FARS2: variants seen among roughly 807,000 people sequenced by gnomAD.
FARS2 encodes the protein phenylalanyl-tRNA synthetase 2, mitochondrial.
Under a neutral mutation model 46.4 loss-of-function variants are expected in FARS2, and 40 were observed. That is an observed-to-expected ratio of 0.86 (90% CI 0.67 to 1.12). The LOEUF (loss-of-function observed/expected upper bound fraction) is 1.12. Among genes scored for constraint, FARS2 ranks in the 50% most tolerant of loss-of-function variants. The probability of loss-of-function intolerance (pLI) is 0.00; values close to 1 mark genes in which losing one functional copy is unlikely to be tolerated. For missense variants in FARS2, 513 were observed against 567.9 expected (o/e 0.90, Z 0.98); for synonymous variants, 234 against 214.9 (o/e 1.09, Z -0.78).
At chr6:5,549,338 C>G (rs138146757) in intron 5 of FARS2, among the ~76,000 whole-genome samples, 3 of 152,184 alleles carry the variant, frequency 2.0e-5, no homozygotes, top group Admixed American at 6.5e-5. Flanking sequence ...CTCTTCCCCC[C>G]ACTCCACGAC....
intron 6 of FARS2, among the ~76,000 whole-genome samples, chr6:5,717,456 T>G (rs1314453732): frequency 6.6e-6 from 1 of 151,922 alleles, no homozygotes; most frequent in Non-Finnish European, 1.5e-5. Flanking sequence ...ACTGGGTTGT[T>G]GGCCCTGTGC....
In FARS2 at chr6:5,319,820, G is replaced by A. The variant is rs528833854; in HGVS notation, c.-21-48730G>A. Among the ~76,000 whole-genome samples, 7 of 152,294 alleles carry A rather than the reference G, an allele frequency of 4.6e-5. No homozygotes were observed. The South Asian group carries it at 1.5e-3, about 32-fold the overall frequency. ...AGCTTAAAGGGAGACAAGAAGGTAG[G>A]GGTGGGAAATTCCTAAGCAGGAAAG... On this transcript the variant is annotated intron_variant, in intron 1 of 6. Transcript: ENST00000274680.
chr6:5,662,630 C>G (rs761188234), intron 6 of FARS2, among the ~76,000 whole-genome samples: 4 of 152,192 alleles, frequency 2.6e-5, no homozygotes, highest in Admixed American at 6.5e-5. Context: ...AAGAGATGAA[C>G]TTCTACTTTC....
chr6:5,569,380 G>C (rs911594613), intron 5 of FARS2, among the ~76,000 whole-genome samples: 4 of 151,988 alleles, frequency 2.6e-5, no homozygotes, highest in African/African-American at 9.7e-5. Context: ...GGGACTATAA[G>C]CATATGCCCC....
At chr6:5,610,202 G>A (rs971676453) in intron 5 of FARS2, 20 of 655,568 alleles carry the variant, frequency 3.1e-5, no homozygotes, top group African/African-American at 7.3e-5. Context: ...TAGACAGGAC[G>A]GCAGGGAGAA....
intron 5 of FARS2, among the ~76,000 whole-genome samples, chr6:5,567,011 T>G (rs867743694): frequency 6.6e-6 from 1 of 152,252 alleles, no homozygotes; most frequent in Non-Finnish European, 1.5e-5. Context: ...TCCTTGCCCA[T>G]GTCTGGGCGT....
At chr6:5,578,808 C>CAAAAA (rs56248218) in intron 5 of FARS2, among the ~76,000 whole-genome samples, 9 of 124,358 alleles carry the variant, frequency 7.2e-5, no homozygotes, top group Non-Finnish European at 9.8e-5. Flanking sequence ...CACTCCGTCT[C>CAAAAA]AAAAAAAAAA....
chr6:5,391,571 A>AT (rs34075927), intron 2 of FARS2, among the ~76,000 whole-genome samples: 58,729 of 149,434 alleles, frequency 0.39, 12,178 homozygotes, highest in East Asian at 0.55. Flanking sequence ...GTCAATAGTT[A>AT]TTTTTTTTTT....
At chr6:5,520,564 A>G (rs1769069599) in intron 4 of FARS2, among the ~76,000 whole-genome samples, 1 of 152,242 alleles carries the variant, frequency 6.6e-6, no homozygotes, top group Admixed American at 6.5e-5. Context: ...GAAAGAAGAC[A>G]TTATAGATAC....
intron 6 of FARS2, among the ~76,000 whole-genome samples, chr6:5,615,228 A>T (rs1775409220): frequency 6.6e-6 from 1 of 152,072 alleles, no homozygotes; most frequent in Non-Finnish European, 1.5e-5. Flanking sequence ...TTCTTCAGGG[A>T]TCCAGTTATG....
At chr6:5,536,181 A>C (rs1049861172) in intron 4 of FARS2, among the ~76,000 whole-genome samples, 4 of 151,128 alleles carry the variant, frequency 2.6e-5, no homozygotes, top group Admixed American at 2.6e-4. Flanking sequence ...CCTCCCAAGT[A>C]GCTGGGACTA....
intron 4 of FARS2, 82 bp downstream of exon 4, chr6:5,431,254 A>G: frequency 7.2e-7 from 1 of 1,387,048 alleles, no homozygotes; most frequent in Non-Finnish European, 1.0e-6. Flanking sequence ...ACACTTGTAG[A>G]TATTTACATA....
chr6:5,282,089 G>C (rs922323411), intron 1 of FARS2, among the ~76,000 whole-genome samples: 7 of 152,194 alleles, frequency 4.6e-5, no homozygotes, highest in Non-Finnish European at 1.0e-4. Context: ...CATTGTGAAT[G>C]CTGTGCAACC....
At chr6:5,695,574 A>G (rs750943364) in intron 6 of FARS2, among the ~76,000 whole-genome samples, 1 of 152,210 alleles carries the variant, frequency 6.6e-6, no homozygotes, top group East Asian at 1.9e-4. Context: ...TATTATCCCA[A>G]TTTTACAGAT....
intron 6 of FARS2, among the ~76,000 whole-genome samples, chr6:5,740,036 C>T (rs1215707059): frequency 2.6e-5 from 4 of 152,162 alleles, no homozygotes; most frequent in African/African-American, 4.8e-5. Context: ...GGACTTAAAC[C>T]GAGGTTTAAA....
chr6:5,723,473 G>A lies in FARS2; in HGVS notation c.1218-47818G>A, dbSNP rs553038963. 9.9e-5 allele frequency among the ~76,000 whole-genome samples: 15 copies of A among 152,252 alleles called. No individual in the cohort carries two copies. In the East Asian group the frequency reaches 2.1e-3, roughly 22 times the overall value. On this transcript the variant is annotated intron_variant, in intron 6 of 6. Transcript: ENST00000274680. ...CTTCATCTTCTTCATCTATGATGTG[G>A]AATAATTGCAGGATCCGCTCATAGG...
chr6:5,478,663 C>G (rs1224425555), intron 4 of FARS2, among the ~76,000 whole-genome samples: 3 of 152,178 alleles, frequency 2.0e-5, no homozygotes, highest in Non-Finnish European at 4.4e-5. Context: ...CCCTGTCTTG[C>G]AAGTGCGGAA....
intron 1 of FARS2, among the ~76,000 whole-genome samples, chr6:5,312,734 A>G (rs937292836): frequency 1.3e-5 from 2 of 152,248 alleles, no homozygotes; most frequent in Non-Finnish European, 2.9e-5. Context: ...CGGGACTCAA[A>G]TAAGAATTTG....
intron 4 of FARS2, among the ~76,000 whole-genome samples, chr6:5,446,540 G>T (rs1315214587): frequency 6.6e-6 from 1 of 152,140 alleles, no homozygotes; most frequent in Non-Finnish European, 1.5e-5. Context: ...GGGACTTCCA[G>T]TCCAGTGGTA....
Sources: allele counts gnomAD v4.1 joint callset (sites outside exome capture counted in the v4.1 genomes callset), GRCh38; gene constraint gnomAD v4.1.1; transcripts MANE v1.5; gene names NCBI Gene and HGNC (gene_info 2026-07-23, HGNC 2026-07-21).